The following OAS1 variants were observed in gnomAD, a reference collection of about 807,000 sequenced individuals.
OAS1 encodes 2'-5'-oligoadenylate synthetase 1.
In OAS1, 24 loss-of-function variants were observed where a neutral mutation model predicts 38.5. The ratio of observed to expected loss-of-function variants is 0.62; its 90% CI spans 0.45 to 0.88. The LOEUF (loss-of-function observed/expected upper bound fraction) is 0.88, where lower values mean the gene tolerates loss of function less well. Among genes scored for constraint, OAS1 ranks in the 40% least tolerant of loss-of-function variants. The probability of loss-of-function intolerance (pLI) is 0.00; values close to 1 mark genes in which losing one functional copy is unlikely to be tolerated. For synonymous variants in OAS1, 169 were observed against 193.9 expected (o/e 0.87, Z 1.07); for missense variants, 482 against 493.9 (o/e 0.98, Z 0.23).
At chr12:112,910,226 G>C (rs2043356287) in intron 2 of OAS1, among the ~76,000 whole-genome samples, 1 of 151,992 alleles carries the variant, frequency 6.6e-6, no homozygotes, top group South Asian at 2.1e-4. Context: ...AAATTAGCTG[G>C]GCGTGGTGGT....
rs757902027 is a variant in OAS1 at position 112,919,513 on chromosome 12, C to T, written c.1163C>T (p.Thr388Ile). Residue 388 changes from threonine (T) to isoleucine (I), a missense_variant, in exon 6 of 6, where the codon ACC becomes ATC. Thr to Ile is a moderately conservative substitution (Grantham distance 89, BLOSUM62 -1). Coordinates refer to ENST00000202917, the MANE Select transcript of OAS1 (RefSeq NM_016816.4). ...CCCAGCACACTCCAGGCAGCATCCA[C>T]CCCACAGGCAGAAGAGGACTGGACC... ...HRPSTLQAASTPQAEEDWTCT... is the reference protein window; with the variant it reads ...HRPSTLQAASIPQAEEDWTCT... 3 of 1,614,232 alleles carry T rather than the reference C, an allele frequency of 1.9e-6. No individual in the cohort carries two copies. The highest frequency in any genetic ancestry group is 1.1e-5 in the South Asian group (1 of 91,082).
chr12:112,907,318 A>C (rs1013253247), intron 1 of OAS1, 99 bp downstream of exon 1: 3 of 1,231,922 alleles, frequency 2.4e-6, no homozygotes, highest in Non-Finnish European at 3.5e-6. Flanking sequence ...AAAACCTAGA[A>C]CCCAGGGTGC....
At position 112,907,084 on chromosome 12, in the gene OAS1, C is replaced by T; in HGVS notation, c.45C>T (p.Phe15=). 4 of 1,614,236 alleles carry T rather than the reference C, an allele frequency of 2.5e-6. No individual in the cohort carries two copies. The highest frequency in any genetic ancestry group is 3.4e-6 in the Non-Finnish European group (4 of 1,180,036). The change falls in exon 1 of 6, where the codon TTC becomes TTT. Residue 15 remains phenylalanine (F), a synonymous_variant. Transcript: ENST00000202917. ...RNTPAKSLDK[F]IEDYLLPDTC... is the part of the protein sequence containing the mutation. ...CCCCAGCCAAATCTCTGGACAAGTT[C>T]ATTGAAGACTATCTCTTGCCAGACA... is the stretch of plus-strand genomic sequence containing the variant.
chr12:112,922,964 A>G (rs1444412128), downstream of OAS1, among the ~76,000 whole-genome samples: 1 of 152,194 alleles, frequency 6.6e-6, no homozygotes, highest in African/African-American at 2.4e-5. Context: ...TCCTGGCCTC[A>G]AACAATCTTT....
At position 112,910,981 on chromosome 12, in the gene OAS1, G is replaced by T. The variant is rs908327714; in HGVS notation, c.470-70G>T. 4.3e-6 allele frequency: 6 copies of T among 1,408,916 alleles called. No homozygotes were observed. In the Admixed American group the frequency reaches 5.5e-5, roughly 13 times the overall value. The allele number at this position is 1,408,916 out of a possible 1,614,324, so 87.3% of individuals were successfully genotyped here. A position where few individuals can be genotyped will look rare whatever the true frequency, so the allele number is the denominator to read the frequency against. On this transcript the variant is annotated intron_variant, in intron 2 of 5. Transcript: ENST00000202917. ...ATCAAACCCCATGGCCAGGGAGATT[G>T]TCCCCTCAGAGTGACTGAAGGAAAT... is the stretch of plus-strand genomic sequence containing the variant.
chr12:112,929,130 C>T (rs910722856), intron 6 of OAS1, among the ~76,000 whole-genome samples: 2 of 152,240 alleles, frequency 1.3e-5, no homozygotes, highest in Non-Finnish European at 2.9e-5. Context: ...AGAATTGTCA[C>T]CCATGTGATT....
chr12:112,916,200 C>T (rs1018081184), intron 3 of OAS1, among the ~76,000 whole-genome samples: 2 of 152,114 alleles, frequency 1.3e-5, no homozygotes, highest in African/African-American at 4.8e-5. Context: ...ATGGTGAAGC[C>T]AGGATTCAAA....
At chr12:112,927,767 T>C (rs530814375) in intron 6 of OAS1, among the ~76,000 whole-genome samples, 4 of 152,262 alleles carry the variant, frequency 2.6e-5, no homozygotes, top group Non-Finnish European at 1.5e-5. Flanking sequence ...ATTTTCTGAT[T>C]TTTTTTTCCG....
At chr12:112,915,426 TGTAA>T (rs1210364326) in intron 3 of OAS1, among the ~76,000 whole-genome samples, 1 of 152,248 alleles carries the variant, frequency 6.6e-6, no homozygotes, top group African/African-American at 2.4e-5. Context: ...ATCAGTTGGC[TGTAA>T]GTGTTTGGCT....
intron 1 of OAS1, chr12:112,907,718 T>A (rs2043315927): frequency 6.5e-6 from 1 of 153,794 alleles, no homozygotes; most frequent in Non-Finnish European, 1.4e-5. Context: ...CACCTTAATG[T>A]AGCAGCTTCT....
chr12:112,911,322 G>A, intron 3 of OAS1, 87 bp downstream of exon 3: 1 of 1,031,032 alleles, frequency 9.7e-7, no homozygotes, highest in Non-Finnish European at 1.4e-6. Context: ...AGGGAGTGAA[G>A]GGAAGAGGAG....
intron 5 of OAS1, 107 bp downstream of exon 5, chr12:112,917,807 G>C (rs2043484596): frequency 6.2e-7 from 1 of 1,611,922 alleles, no homozygotes; most frequent in South Asian, 1.1e-5. Flanking sequence ...TCTTGCCAAA[G>C]GCCATTTATA....
At chr12:112,919,251 C>T in intron 5 of OAS1, 138 bp from the exon 6 acceptor site, 2 of 790,228 alleles carry the variant, frequency 2.5e-6, no homozygotes, top group South Asian at 3.5e-5. Context: ...TGACCACTGT[C>T]CCAGCAGCTG....
chr12:112,925,469 C>G (rs2043552850), intron 6 of OAS1, among the ~76,000 whole-genome samples: 1 of 152,164 alleles, frequency 6.6e-6, no homozygotes, highest in Non-Finnish European at 1.5e-5. Flanking sequence ...GCTTCTGAAT[C>G]TTATGAGACA....
intron 6 of OAS1, among the ~76,000 whole-genome samples, chr12:112,927,088 A>T (rs1475022424): frequency 6.6e-6 from 1 of 152,140 alleles, no homozygotes; most frequent in Non-Finnish European, 1.5e-5. Flanking sequence ...TCTTCTTTCA[A>T]GGTGCCCAGA....
chr12:112,916,612 A>G lies in OAS1; in HGVS notation c.758A>G (p.Gln253Arg). The G allele has an allele frequency of 1.2e-6, 2 of 1,614,186 alleles. No individual in the cohort carries two copies. Among genetic ancestry groups the G allele is most frequent in the Non-Finnish European group, 1.7e-6 (2 of 1,180,028 alleles). Residue 253 changes from glutamine (Q) to arginine (R), a missense_variant, in exon 4 of 6, where the codon CAG becomes CGG. Physicochemically the swap from Gln to Arg is conservative, Grantham distance 43 (BLOSUM62 1). Coordinates refer to ENST00000202917, the MANE Select transcript of OAS1 (RefSeq NM_016816.4). The stretch of plus-strand genomic sequence containing the variant: ...ATGAAAACACATTTCAACACAGCCC[A>G]GGGATTTCGGACGGTCTTGGAATTA... Reference protein sequence around the residue: ...GSMKTHFNTAQGFRTVLELVI... With the variant: ...GSMKTHFNTARGFRTVLELVI...
chr12:112,911,258 G>A (rs1211447708), intron 3 of OAS1, 23 bp downstream of exon 3: 2 of 1,597,648 alleles, frequency 1.3e-6, no homozygotes, highest in African/African-American at 1.3e-5. Flanking sequence ...CACCAGGCCT[G>A]GTGGGTCCTG....
In OAS1 at chr12:112,916,745, T is replaced by C. The variant is rs767348868; in HGVS notation, c.884+7T>C. ...GGCAGCTCACGAAACCCAGGTATGCTATCCCCACATGGCTTAGCTCCCCTA... is the reference window on the plus strand; with the variant it reads ...GGCAGCTCACGAAACCCAGGTATGCCATCCCCACATGGCTTAGCTCCCCTA... On this transcript the variant is annotated splice_region_variant and intron_variant, in intron 4 of 5. Transcript: ENST00000202917. The C allele has an allele frequency of 3.1e-6, 5 of 1,599,180 alleles. No individual in the cohort carries two copies. The South Asian group carries it at 4.4e-5, about 14-fold the overall frequency.
At position 112,911,249 on chromosome 12, in the gene OAS1, A is replaced by G; in HGVS notation, c.654+14A>G. The G allele has an allele frequency of 1.9e-6, 3 of 1,564,796 alleles. No individual in the cohort carries two copies. Among genetic ancestry groups the G allele is most frequent in the Non-Finnish European group, 2.6e-6 (3 of 1,150,856 alleles). ...TGGTACCAAAATGTATGGCCCTCCC[A>G]CCAGGCCTGGTGGGTCCTGTCTCGA... On this transcript the variant is annotated intron_variant, in intron 3 of 5. Transcript: ENST00000202917.
Sources: gnomAD v4.1 joint callset for allele counts (sites outside exome capture counted in the v4.1 genomes callset) on GRCh38, gnomAD v4.1.1 for gene constraint, MANE v1.5 for transcripts, NCBI Gene and HGNC (gene_info 2026-07-23, HGNC 2026-07-21) for gene names.